Variants in KDM5A observed in about 807,000 individuals in gnomAD.
KDM5A encodes lysine demethylase 5A.
In KDM5A, 42 loss-of-function variants were observed where a neutral mutation model predicts 193.5. The ratio of observed to expected loss-of-function variants is 0.22; its 90% CI spans 0.17 to 0.28. KDM5A has a LOEUF of 0.28. Among genes scored for constraint, KDM5A ranks in the 10% least tolerant of loss-of-function variants. The probability of loss-of-function intolerance (pLI) is 1.00; values close to 1 mark genes in which losing one functional copy is unlikely to be tolerated. For synonymous variants in KDM5A, 796 were observed against 718.1 expected, an observed-to-expected ratio of 1.11 and a Z score of -1.73; for missense variants, 1,692 against 2,055.1, an observed-to-expected ratio of 0.82 and a Z score of 3.42.
chr12:317,656 T>C (rs1356167124), intron 19 of KDM5A, among the ~76,000 whole-genome samples: 4 of 152,244 alleles, frequency 2.6e-5, no homozygotes, highest in Non-Finnish European at 5.9e-5. Flanking sequence ...AAATATTTAA[T>C]GTCATCACAG....
At chr12:313,855 T>C (rs1450630329) in intron 19 of KDM5A, among the ~76,000 whole-genome samples, 1 of 152,178 alleles carries the variant, frequency 6.6e-6, no homozygotes, top group East Asian at 1.9e-4. Flanking sequence ...CTTATATTAG[T>C]ATGATTCTGT....
Position 307,784 on chromosome 12 carries a change from T to A in KDM5A, c.3600A>T (p.Gly1200=), listed in dbSNP as rs746892614. 2.0e-5 allele frequency: 32 copies of A among 1,614,054 alleles called. No homozygotes were observed. The highest frequency in any genetic ancestry group is 2.6e-5 in the Non-Finnish European group (31 of 1,180,024). The part of the protein sequence containing the change: ...PLPKSSSQKK[G]SSWQAKEVKF... ...TTACTTCTTTAGCTTGCCAGCTGGA[T>A]CCTTTTTTTTGGGAACTTGATTTAG... is the stretch of plus-strand genomic sequence containing the variant. The change falls in exon 23 of 28, where the codon GGA becomes GGT. Residue 1200 remains glycine, a synonymous_variant. Coordinates refer to ENST00000399788, the MANE Select transcript of KDM5A (RefSeq NM_001042603.3). The surrounding 1 kb of genome is among the most constrained non-coding windows in gnomAD (Gnocchi z 4.3).
intron 24 of KDM5A, among the ~76,000 whole-genome samples, chr12:298,481 A>G (rs1326127097): frequency 6.6e-6 from 1 of 152,226 alleles, no homozygotes; most frequent in Non-Finnish European, 1.5e-5. Flanking sequence ...GAAAACTAAC[A>G]AACAGAAAGG....
intron 16 of KDM5A, 52 bp from the exon 17 acceptor site, chr12:322,619 C>A (rs1943732180): frequency 6.5e-7 from 1 of 1,537,434 alleles, no homozygotes; most frequent in East Asian, 2.2e-5. Flanking sequence ...ACACAAAAAG[C>A]CATTCTAAAA....
intron 9 of KDM5A, 57 bp from the exon 10 acceptor site, chr12:350,836 T>C (rs1944148431): frequency 1.4e-6 from 2 of 1,444,528 alleles, no homozygotes; most frequent in African/African-American, 1.4e-5. Context: ...ATAACCCATA[T>C]AACATAATAC....
At chr12:385,147 C>T (rs866209716) in intron 2 of KDM5A, among the ~76,000 whole-genome samples, 1 of 148,090 alleles carries the variant, frequency 6.8e-6, no homozygotes, top group Non-Finnish European at 1.5e-5. Flanking sequence ...CGCACCACTG[C>T]ACTCCAGCCT....
intron 24 of KDM5A, among the ~76,000 whole-genome samples, chr12:299,818 C>A (rs150938141): frequency 4.6e-5 from 7 of 151,924 alleles, no homozygotes; most frequent in African/African-American, 1.7e-4. Flanking sequence ...CAAAGACGCA[C>A]ATAGGCTCAA....
At chr12:300,338 A>G (rs1943426591) in intron 24 of KDM5A, among the ~76,000 whole-genome samples, 1 of 152,204 alleles carries the variant, frequency 6.6e-6, no homozygotes, top group Non-Finnish European at 1.5e-5. Context: ...ACAGTCTCTC[A>G]GACCACAGTG....
chr12:295,141 T>C (rs1943352539), intron 26 of KDM5A, among the ~76,000 whole-genome samples: 1 of 151,892 alleles, frequency 6.6e-6, no homozygotes. Context: ...TCCCCGCTTC[T>C]TTTTAGCAGA....
At position 329,000 on chromosome 12, in the gene KDM5A, A is replaced by G. The variant is rs1943829094; in HGVS notation, c.1803T>C (p.His601=). 6.2e-7 allele frequency: 1 copy of G among 1,614,100 alleles called. No individual in the cohort carries two copies. Among genetic ancestry groups the G allele is most frequent in the African/African-American group, 1.3e-5 (1 of 74,942 alleles). Residue 601 remains histidine (H), a synonymous_variant, in exon 14 of 28, where the codon CAT becomes CAC. Transcript: ENST00000399788. ...WLPIGRQCVN[H]YRRLRRHCVF... ...CACAGTGGCGCCTTAGGCGTCGGTA[A>G]TGATTTACACATTGACGTCCAATGG...
chr12:359,122 G>A (rs760389328), intron 5 of KDM5A, among the ~76,000 whole-genome samples: 1 of 152,036 alleles, frequency 6.6e-6, no homozygotes, highest in Non-Finnish European at 1.5e-5. Flanking sequence ...TCCCAACTCA[G>A]AACACTAGGA....
At chr12:377,640 G>C (rs1022155017) in intron 3 of KDM5A, among the ~76,000 whole-genome samples, 1 of 152,176 alleles carries the variant, frequency 6.6e-6, no homozygotes, top group Non-Finnish European at 1.5e-5. Flanking sequence ...TTTAAGAGCA[G>C]AACATTTGTA....
chr12:322,923 T>C (rs890607834), intron 16 of KDM5A, among the ~76,000 whole-genome samples, 159 bp downstream of exon 16: 1 of 152,124 alleles, frequency 6.6e-6, no homozygotes, highest in Non-Finnish European at 1.5e-5. Flanking sequence ...GATTCTCAAA[T>C]AGAAAATTAA....
At chr12:371,976 G>A (rs1322046002) in intron 3 of KDM5A, among the ~76,000 whole-genome samples, 1 of 152,228 alleles carries the variant, frequency 6.6e-6, no homozygotes, top group African/African-American at 2.4e-5. Context: ...TTTGGTACCA[G>A]TACCATGCTG....
At chr12:348,611 G>A (rs1362993326) in intron 10 of KDM5A, among the ~76,000 whole-genome samples, 1 of 152,120 alleles carries the variant, frequency 6.6e-6, no homozygotes, top group African/African-American at 2.4e-5. Flanking sequence ...GTCCTTTGCA[G>A]GGACATGGAT....
intron 24 of KDM5A, among the ~76,000 whole-genome samples, chr12:299,083 C>T (rs1294896056): frequency 1.3e-5 from 2 of 151,974 alleles, no homozygotes; most frequent in Non-Finnish European, 2.9e-5. Flanking sequence ...GATTGGTGTA[C>T]CTGTGTGATG....
At chr12:315,225 AC>A (rs1943636931) in intron 19 of KDM5A, among the ~76,000 whole-genome samples, 1 of 152,218 alleles carries the variant, frequency 6.6e-6, no homozygotes, top group South Asian at 2.1e-4. Flanking sequence ...AAGTACTAAG[AC>A]AAAATAATTG....
At chr12:362,284 T>TG (rs1231474801) in intron 5 of KDM5A, among the ~76,000 whole-genome samples, 3 of 145,776 alleles carry the variant, frequency 2.1e-5, no homozygotes, top group Non-Finnish European at 3.1e-5. Context: ...AAGCAAAGCT[T>TG]GGGGAAAAAA....
chr12:294,325 A>T (rs1943342331), intron 26 of KDM5A, among the ~76,000 whole-genome samples: 1 of 152,220 alleles, frequency 6.6e-6, no homozygotes, highest in Non-Finnish European at 1.5e-5. Context: ...AGAAATACTG[A>T]AGAAACATAA....
Sources: gnomAD v4.1 joint callset for allele counts (sites outside exome capture counted in the v4.1 genomes callset) on GRCh38, gnomAD v4.1.1 for gene constraint, Gnocchi (gnomAD v3.1) non-coding constraint, MANE v1.5 for transcripts, NCBI Gene and HGNC (gene_info 2026-07-23, HGNC 2026-07-21) for gene names.